Variants in USP47 observed in about 807,000 individuals in gnomAD.
The protein encoded by USP47 is ubiquitin specific peptidase 47.
A neutral mutation model predicts 165.1 loss-of-function variants in USP47; 35 were observed. The ratio of observed to expected loss-of-function variants is 0.21; its 90% CI spans 0.16 to 0.28. The LOEUF (loss-of-function observed/expected upper bound fraction) is 0.28, where lower values mean the gene tolerates loss of function less well. Among genes scored for constraint, USP47 ranks in the 10% least tolerant of loss-of-function variants. The pLI, the probability that USP47 is intolerant of heterozygous loss-of-function variation, is 1.00. For synonymous variants in USP47, 531 were observed against 544.5 expected (o/e 0.98, Z 0.35); for missense variants, 1,277 against 1,607.4 (o/e 0.79, Z 3.52).
intron 1 of USP47, among the ~76,000 whole-genome samples, chr11:11,863,894 T>C (rs950469780): frequency 6.6e-6 from 1 of 152,166 alleles, no homozygotes; most frequent in Non-Finnish European, 1.5e-5. Flanking sequence ...CCCAAATTAT[T>C]GTAATTTCTC....
At chr11:11,914,383 A>G (rs79887312) in intron 8 of USP47, among the ~76,000 whole-genome samples, 4,739 of 152,220 alleles carry the variant, frequency 0.031, 122 homozygotes, top group Non-Finnish European at 0.046. Context: ...AAATGACTTT[A>G]TACAAAAATT....
chr11:11,888,021 CAA>C lies in USP47; in HGVS notation c.357+3443_357+3444del, dbSNP rs1191774049. Among the ~76,000 whole-genome samples, 3 of 152,090 alleles carry C rather than the reference CAA, an allele frequency of 2.0e-5. No homozygotes were observed. In the East Asian group the frequency reaches 5.8e-4, roughly 29 times the overall value. On this transcript the variant is annotated intron_variant, in intron 3 of 27. Coordinates refer to ENST00000527733, the MANE Select transcript of USP47 (RefSeq NM_001282659.2). ...AGAAGTTCTTTGAAACTGATAAGAA[CAA>C]AGAGATAACATACCAGAATTTCTGG...
chr11:11,892,017 C>T lies in USP47; in HGVS notation c.407C>T (p.Pro136Leu), dbSNP rs772669461. 40 of 1,613,722 alleles carry T rather than the reference C, an allele frequency of 2.5e-5. No individual in the cohort carries two copies. Among genetic ancestry groups the T allele is most frequent in the Non-Finnish European group, 2.9e-5 (34 of 1,179,874 alleles). Residue 136 changes from proline (P) to leucine (L), a missense_variant, in exon 4 of 28, where the codon CCG becomes CTG. This residue lies in a region of USP47 where 181 missense variants were observed against 194.7 expected (regional missense o/e 0.93). Coordinates refer to ENST00000527733, the MANE Select transcript of USP47 (RefSeq NM_001282659.2). Reference sequence around the variant, plus strand: ...AGTGTTCATGACAGGTTTATAGGTCCGCTTCCAAGAGAAGGTTCTGGGGGT... The same window carrying T: ...AGTGTTCATGACAGGTTTATAGGTCTGCTTCCAAGAGAAGGTTCTGGGGGT... Reference protein sequence around the residue: ...EDSVHDRFIGPLPREGSGGST... With the variant: ...EDSVHDRFIGLLPREGSGGST...
chr11:11,959,647 C>T lies in USP47; in HGVS notation c.*3472C>T, dbSNP rs1046605850. ...AACAAGAATACTGCACAAACTCAAG[C>T]ATGCATTGGAGCATGTGTTACTATT... On this transcript the variant is annotated 3_prime_UTR_variant, in exon 28 of 28. Transcript: ENST00000527733. Among the ~76,000 whole-genome samples, 19 of 152,200 alleles carry T rather than the reference C, an allele frequency of 1.2e-4. No individual in the cohort carries two copies. Among genetic ancestry groups the T allele is most frequent in the African/African-American group, 4.6e-4 (19 of 41,452 alleles).
chr11:11,943,336 T>C, intron 20 of USP47: 2 of 354,660 alleles, frequency 5.6e-6, no homozygotes, highest in Non-Finnish European at 1.0e-5. Flanking sequence ...AAAAAAATAG[T>C]ATTCAATGTT....
chr11:11,863,194 C>T (rs778358305), intron 1 of USP47, among the ~76,000 whole-genome samples: 116 of 152,132 alleles, frequency 7.6e-4, no homozygotes, highest in Non-Finnish European at 1.1e-3. Context: ...TTTAAATTGA[C>T]GAGTCATGGG....
chr11:11,938,286 C>T lies in USP47; in HGVS notation c.2107C>T (p.Leu703=). The change falls in exon 18 of 28, where the codon CTA becomes TTA. Residue 703 remains leucine (L), a synonymous_variant. Transcript: ENST00000527733. ...EVMVKVHVVD[L]KAESVAAPIT... The stretch of plus-strand genomic sequence containing the variant: ...GATGGTGAAAGTTCATGTTGTTGAT[C>T]TAAAGGCAGAATCTGTAGCTGCTCC... 6.2e-7 allele frequency: 1 copy of T among 1,612,128 alleles called. No homozygotes were observed. The highest frequency in any genetic ancestry group is 1.1e-5 in the South Asian group (1 of 91,012).
chr11:11,915,341 G>T (rs1163267383), intron 8 of USP47, among the ~76,000 whole-genome samples: 1 of 152,188 alleles, frequency 6.6e-6, no homozygotes, highest in Non-Finnish European at 1.5e-5. Flanking sequence ...TTTGGTGGGA[G>T]CAGGGAGAGG....
At chr11:11,953,055 CTGGT>C (rs1323975623) in intron 25 of USP47, among the ~76,000 whole-genome samples, 184 bp downstream of exon 25, 1 of 152,170 alleles carries the variant, frequency 6.6e-6, no homozygotes, top group Non-Finnish European at 1.5e-5. Flanking sequence ...GTGGCACACT[CTGGT>C]TGTTCAGGCT....
intron 5 of USP47, among the ~76,000 whole-genome samples, chr11:11,900,197 C>T (rs1852120075): frequency 2.4e-5 from 3 of 124,944 alleles, no homozygotes; most frequent in Admixed American, 2.1e-4. Flanking sequence ...GTCTCGCTGT[C>T]GCCCAGGCTG....
intron 1 of USP47, among the ~76,000 whole-genome samples, chr11:11,846,558 T>C (rs551232048): frequency 6.6e-6 from 1 of 152,198 alleles, no homozygotes; most frequent in East Asian, 1.9e-4. Flanking sequence ...ACTACTTCTG[T>C]CTGGAACTGG....
At chr11:11,936,792 AT>A (rs1324164902) in intron 17 of USP47, among the ~76,000 whole-genome samples, 15 of 151,900 alleles carry the variant, frequency 9.9e-5, no homozygotes, top group African/African-American at 3.6e-4. Flanking sequence ...GTACTGAATC[AT>A]TCTGGATGCT....
At chr11:11,879,305 A>C (rs1380308404) in intron 1 of USP47, among the ~76,000 whole-genome samples, 1 of 152,100 alleles carries the variant, frequency 6.6e-6, no homozygotes, top group Non-Finnish European at 1.5e-5. Flanking sequence ...GACAAGGAAG[A>C]TGCTCATTTC....
chr11:11,927,819 A>G (rs1236015291), intron 11 of USP47, among the ~76,000 whole-genome samples: 1 of 152,138 alleles, frequency 6.6e-6, no homozygotes, highest in East Asian at 1.9e-4. Context: ...TTATTTACAA[A>G]TTATCATGCT....
chr11:11,929,089 G>A (rs531045474), intron 11 of USP47, among the ~76,000 whole-genome samples: 5 of 151,816 alleles, frequency 3.3e-5, no homozygotes, highest in Admixed American at 6.6e-5. Context: ...TTTTTTTATC[G>A]ACTGTGTATT....
chr11:11,887,568 C>T (rs1225103836), intron 3 of USP47, among the ~76,000 whole-genome samples: 1 of 152,196 alleles, frequency 6.6e-6, no homozygotes, highest in African/African-American at 2.4e-5. Flanking sequence ...CACCCAGATT[C>T]ATAAAGCAAG....
chr11:11,913,371 T>G (rs999535842), intron 8 of USP47, among the ~76,000 whole-genome samples: 2 of 151,312 alleles, frequency 1.3e-5, no homozygotes, highest in African/African-American at 4.9e-5. Flanking sequence ...AATGAACATG[T>G]AGAAAGTGAA....
intron 27 of USP47, 31 bp downstream of exon 27, chr11:11,955,195 G>A (rs1856484736): frequency 6.2e-7 from 1 of 1,601,302 alleles, no homozygotes; most frequent in Non-Finnish European, 8.5e-7. Flanking sequence ...GTTGCTGTTA[G>A]TAATACATTT....
At chr11:11,940,870 A>G (rs1356198206) in intron 19 of USP47, among the ~76,000 whole-genome samples, 1 of 147,844 alleles carries the variant, frequency 6.8e-6, no homozygotes. Context: ...CTTCATAACC[A>G]TTTCTTCCCA....
Sources: gnomAD v4.1 joint callset for allele counts (sites outside exome capture counted in the v4.1 genomes callset) on GRCh38, gnomAD v4.1.1 for gene constraint, gnomAD v4.1.1 regional missense constraint, MANE v1.5 for transcripts, NCBI Gene and HGNC (gene_info 2026-07-23, HGNC 2026-07-21) for gene names.